The following ANKS1B variants were observed in gnomAD, a reference collection of about 807,000 sequenced individuals.
ANKS1B encodes ankyrin repeat and sterile alpha motif domain-containing protein 1B.
A neutral mutation model predicts 148.3 loss-of-function variants in ANKS1B; 36 were observed. The ratio of observed to expected loss-of-function variants is 0.24; its 90% CI spans 0.19 to 0.32. The LOEUF is 0.32. Ranked by LOEUF, ANKS1B falls within the 10% of genes least tolerant of loss-of-function variation. The pLI is 1.00. For missense variants in ANKS1B, 1,157 were observed against 1,542.6 expected (o/e 0.75, Z 4.19); for synonymous variants, 542 against 560.8 (o/e 0.97, Z 0.47).
chr12:99,645,121 T>C (rs2098348069), intron 9 of ANKS1B, among the ~76,000 whole-genome samples: 1 of 152,242 alleles, frequency 6.6e-6, no homozygotes, highest in South Asian at 2.1e-4. Context: ...GGGGAATTAT[T>C]CTGTAAACCA....
At chr12:99,809,710 T>G (rs951237491) in intron 3 of ANKS1B, among the ~76,000 whole-genome samples, 5 of 152,080 alleles carry the variant, frequency 3.3e-5, no homozygotes, top group African/African-American at 1.2e-4. Context: ...TTAAAATGCA[T>G]TGTAAACTTT....
chr12:99,084,974 T>C lies in ANKS1B; in HGVS notation c.2576A>G (p.Asn859Ser), dbSNP rs1441371978. 1 of 1,611,206 alleles carries C rather than the reference T, an allele frequency of 6.2e-7. No homozygotes were observed. The highest frequency in any genetic ancestry group is 8.5e-7 in the Non-Finnish European group (1 of 1,178,698). The change falls in exon 16 of 27, where the codon AAT becomes AGT. Residue 859 changes from asparagine to serine, a missense_variant. This residue lies in a region of ANKS1B where 258 missense variants were observed against 497.0 expected (regional missense o/e 0.52). Transcript: ENST00000683438. ...TAGAATTCTTTGTCTGTGCCCAGAATTAAGGATTCCAATTTCCAACAAATC... is the reference window on the plus strand; with the variant it reads ...TAGAATTCTTTGTCTGTGCCCAGAACTAAGGATTCCAATTTCCAACAAATC... ...DQDLLEIGIL[N>S]SGHRQRILQA...
intron 12 of ANKS1B, among the ~76,000 whole-genome samples, chr12:99,339,445 T>G (rs373018958): frequency 2.6e-5 from 4 of 152,300 alleles, no homozygotes; most frequent in African/African-American, 9.6e-5. Flanking sequence ...CTTTCCTACC[T>G]TCTCTTTCCT....
chr12:98,995,313 A>T (rs879318130), intron 17 of ANKS1B, among the ~76,000 whole-genome samples: 4 of 152,172 alleles, frequency 2.6e-5, no homozygotes, highest in Non-Finnish European at 5.9e-5. Flanking sequence ...GAAGCTGGCC[A>T]GGCATGGTGG....
At chr12:99,888,120 T>C (rs1184447175) in intron 1 of ANKS1B, among the ~76,000 whole-genome samples, 1 of 152,226 alleles carries the variant, frequency 6.6e-6, no homozygotes, top group African/African-American at 2.4e-5. Context: ...GGAAAAGCCA[T>C]TCATTTGTTC....
At chr12:98,985,577 CAAAT>C (rs1459361585) in intron 17 of ANKS1B, among the ~76,000 whole-genome samples, 2 of 151,536 alleles carry the variant, frequency 1.3e-5, no homozygotes, top group South Asian at 2.1e-4. Context: ...TTCATCTTAA[CAAAT>C]AACACCCTAC....
intron 1 of ANKS1B, among the ~76,000 whole-genome samples, chr12:99,891,667 T>C (rs1227885920): frequency 6.6e-6 from 1 of 152,222 alleles, no homozygotes; most frequent in East Asian, 1.9e-4. Context: ...TTGGTACTTA[T>C]TTTAATAAAC....
At position 98,773,101 on chromosome 12, in the gene ANKS1B, T is replaced by C. The variant is rs2098611326; in HGVS notation, c.3520A>G (p.Ile1174Val). 14 of 1,613,996 alleles carry C rather than the reference T, an allele frequency of 8.7e-6. No individual in the cohort carries two copies. The highest frequency in any genetic ancestry group is 1.2e-5 in the Non-Finnish European group (14 of 1,179,884). The change falls in exon 25 of 27, where the codon ATC (isoleucine) becomes GTC (valine). Residue 1174 changes from isoleucine (I) to valine (V), a missense_variant. This residue lies in a region of ANKS1B where 258 missense variants were observed against 497.0 expected (regional missense o/e 0.52). Coordinates refer to ENST00000683438, the MANE Select transcript of ANKS1B (RefSeq NM_001352186.2). ...DPEDLSTFAY[I>V]TKDLKSNHHY... The stretch of plus-strand genomic sequence containing the variant: ...TGATTAGACTTCAAATCTTTTGTGA[T>C]ATAGGCAAATGTTGAGAGGTCTTCT...
intron 17 of ANKS1B, among the ~76,000 whole-genome samples, chr12:98,907,599 C>T (rs912916935): frequency 5.3e-5 from 8 of 152,200 alleles, no homozygotes; most frequent in African/African-American, 1.4e-4. Context: ...GACGGTCATC[C>T]ACCTCATGGC....
intron 9 of ANKS1B, among the ~76,000 whole-genome samples, chr12:99,543,882 A>C (rs2097149753): frequency 6.6e-6 from 1 of 152,262 alleles, no homozygotes; most frequent in South Asian, 2.1e-4. Flanking sequence ...ATAAGACATG[A>C]GTAGGATTAA....
chr12:99,148,361 A>G (rs1489137579), intron 15 of ANKS1B, among the ~76,000 whole-genome samples: 3 of 152,104 alleles, frequency 2.0e-5, no homozygotes, highest in Non-Finnish European at 4.4e-5. Context: ...TAATCAGAGC[A>G]ACTTCCAGAA....
intron 4 of ANKS1B, among the ~76,000 whole-genome samples, chr12:99,782,784 CAT>C (rs1323854707): frequency 6.6e-6 from 1 of 152,192 alleles, no homozygotes; most frequent in Non-Finnish European, 1.5e-5. Flanking sequence ...TCCTGGCCCT[CAT>C]ATATTCACAT....
intron 9 of ANKS1B, among the ~76,000 whole-genome samples, chr12:99,621,461 G>GA (rs199847091): frequency 0.084 from 9,424 of 112,638 alleles, 440 homozygotes; most frequent in Non-Finnish European, 0.13. Flanking sequence ...AGGCAAATTG[G>GA]AAAAAAAAAA....
intron 1 of ANKS1B, among the ~76,000 whole-genome samples, chr12:99,977,254 C>T (rs1024750690): frequency 1.3e-5 from 2 of 152,144 alleles, no homozygotes; most frequent in African/African-American, 4.8e-5. Context: ...AGCAATTCTC[C>T]CCACCCAGCC....
chr12:99,116,062 T>A (rs1019703356), intron 15 of ANKS1B, among the ~76,000 whole-genome samples: 4 of 152,160 alleles, frequency 2.6e-5, no homozygotes, highest in Non-Finnish European at 5.9e-5. Flanking sequence ...TTCCTCATCA[T>A]TAAACTGGGG....
intron 17 of ANKS1B, among the ~76,000 whole-genome samples, chr12:98,900,188 T>A (rs1170214671): frequency 6.6e-6 from 1 of 152,188 alleles, no homozygotes; most frequent in Non-Finnish European, 1.5e-5. Flanking sequence ...GGAATTCCAT[T>A]CTGTAAGAAA....
chr12:99,446,667 G>A (rs1220229218), intron 10 of ANKS1B, among the ~76,000 whole-genome samples: 1 of 151,974 alleles, frequency 6.6e-6, no homozygotes, highest in Admixed American at 6.6e-5. Context: ...TAGAAACATA[G>A]CCTGAAGAAG....
At chr12:99,685,462 G>A (rs145161628) in intron 8 of ANKS1B, among the ~76,000 whole-genome samples, 1 of 152,224 alleles carries the variant, frequency 6.6e-6, no homozygotes, top group East Asian at 1.9e-4. Flanking sequence ...GTGACAAAGG[G>A]AACACTTTTA....
intron 12 of ANKS1B, among the ~76,000 whole-genome samples, chr12:99,370,003 G>A (rs1168025464): frequency 3.9e-5 from 6 of 152,130 alleles, no homozygotes; most frequent in Admixed American, 3.9e-4. Flanking sequence ...AAAAAATGTG[G>A]TGAAGAACAT....
Sources: gnomAD v4.1 joint callset for allele counts (sites outside exome capture counted in the v4.1 genomes callset) on GRCh38, gnomAD v4.1.1 for gene constraint, gnomAD v4.1.1 regional missense constraint, MANE v1.5 for transcripts, NCBI Gene and HGNC (gene_info 2026-07-23, HGNC 2026-07-21) for gene names.